Variants in BIVM observed in about 807,000 individuals in gnomAD.
BIVM encodes the protein basic, immunoglobulin-like variable motif containing.
A neutral mutation model predicts 61.4 loss-of-function variants in BIVM; 31 were observed. The observed-to-expected ratio is 0.51, with a 90% CI of 0.38 to 0.68. BIVM has a LOEUF of 0.68. Among genes scored for constraint, BIVM ranks in the 30% least tolerant of loss-of-function variants. The pLI, the probability that BIVM is intolerant of heterozygous loss-of-function variation, is 0.00. For synonymous variants in BIVM, 189 were observed against 210.7 expected, an observed-to-expected ratio of 0.90 and a Z score of 0.89; for missense variants, 526 against 596.0, an observed-to-expected ratio of 0.88 and a Z score of 1.22.
chr13:102,803,807 G>A (rs191875715), intron 1 of BIVM, among the ~76,000 whole-genome samples: 406 of 152,082 alleles, frequency 2.7e-3, no homozygotes, highest in African/African-American at 9.2e-3. Context: ...AAGGCATGAA[G>A]GTCACAGATG....
rs759349258 is a variant in BIVM, at chr13:102,831,687, A to G, written c.1024A>G (p.Lys342Glu). 1 of 1,614,122 alleles carries G rather than the reference A, an allele frequency of 6.2e-7. No homozygotes were observed. Among genetic ancestry groups the G allele is most frequent in the Admixed American group, 1.7e-5 (1 of 60,004 alleles). ...CGAAGCAACCCCTGTTAAAGCTAAT[A>G]AAGCATTCAGGTAAGCATTGACGTG... ...GFEATPVKAN[K>E]AFSRGPLSPQ... Residue 342 changes from lysine (K) to glutamate (E), a missense_variant, in exon 8 of 11, where the codon AAA (lysine) becomes GAA (glutamate). By Grantham distance (56) the Lys-to-Glu change is moderately conservative. Coordinates refer to ENST00000257336, the MANE Select transcript of BIVM (RefSeq NM_017693.4).
intron 7 of BIVM, among the ~76,000 whole-genome samples, chr13:102,828,431 G>A (rs1204813751): frequency 6.6e-6 from 1 of 152,080 alleles, no homozygotes. Flanking sequence ...GAGAAGACCC[G>A]TCTCTGGCCT....
At chr13:102,833,327 G>GTT (rs532303115) in intron 8 of BIVM, among the ~76,000 whole-genome samples, 33,586 of 79,678 alleles carry the variant, frequency 0.42, 10,341 homozygotes, top group Admixed American at 0.58. Flanking sequence ...GATAGGATGG[G>GTT]TTTTTTTTTT....
rs760373129 is a variant in BIVM at position 102,805,377 on chromosome 13, C to T, written c.-136C>T. ...AAGTTAGTGACACCTTGATTGGATC[C>T]GTTTTTCTGTCAGGTGATGAATCTT... On this transcript the variant is annotated 5_prime_UTR_variant, in exon 2 of 11. Transcript: ENST00000257336. 2 of 152,140 alleles carry T rather than the reference C, an allele frequency of 1.3e-5. No homozygotes were observed. Among genetic ancestry groups the T allele is most frequent in the Non-Finnish European group, 2.9e-5 (2 of 68,028 alleles). The allele number at this position is 152,140 out of a possible 1,614,324, so 9.4% of individuals were successfully genotyped here.
intron 9 of BIVM, 118 bp from the exon 10 acceptor site, chr13:102,838,525 G>T: frequency 1.3e-6 from 1 of 765,556 alleles, no homozygotes; most frequent in Admixed American, 3.3e-5. Flanking sequence ...TGAGATAAGA[G>T]AATTACTGCC....
At chr13:102,814,883 A>C (rs1477235004) in intron 3 of BIVM, among the ~76,000 whole-genome samples, 1 of 152,154 alleles carries the variant, frequency 6.6e-6, no homozygotes, top group Non-Finnish European at 1.5e-5. Context: ...GACTTTGTTA[A>C]AAATACAAAA....
chr13:102,799,714 C>T (rs1214313643), intron 1 of BIVM, among the ~76,000 whole-genome samples, 193 bp downstream of exon 1: 1 of 152,246 alleles, frequency 6.6e-6, no homozygotes, highest in African/African-American at 2.4e-5. Context: ...CTCCGAGCCC[C>T]GTGGCGTCCA....
intron 3 of BIVM, among the ~76,000 whole-genome samples, chr13:102,815,883 C>T (rs1486506505): frequency 6.6e-6 from 1 of 152,244 alleles, no homozygotes; most frequent in Non-Finnish European, 1.5e-5. Context: ...ATGTGTGCAT[C>T]ATTCTTCATT....
chr13:102,821,928 C>A, intron 6 of BIVM, 81 bp downstream of exon 6: 2 of 1,542,190 alleles, frequency 1.3e-6, no homozygotes, highest in Non-Finnish European at 8.9e-7. Flanking sequence ...TGATAGTAAA[C>A]CATGTATCCA....
chr13:102,838,082 GT>G (rs1359638409), intron 9 of BIVM, among the ~76,000 whole-genome samples: 2 of 152,000 alleles, frequency 1.3e-5, no homozygotes, highest in African/African-American at 4.8e-5. Flanking sequence ...CAATAAAAAG[GT>G]TTTCCTCAGT....
At position 102,839,851 on chromosome 13, in the gene BIVM, G is replaced by A. The variant is rs1206940412; in HGVS notation, c.1498G>A (p.Asp500Asn). The part of the protein sequence containing the change: ...NSGYQGYSDY[D>N]GND ...TGGTTACCAGGGTTACAGTGATTAC[G>A]ATGGGAATGATTGACTATGCTTGCT... The change falls in exon 11 of 11, where the codon GAT becomes AAT. Residue 500 changes from aspartate (D) to asparagine (N), a missense_variant. Transcript: ENST00000257336. 3 of 1,610,748 alleles carry A rather than the reference G, an allele frequency of 1.9e-6. No homozygotes were observed. Among genetic ancestry groups the A allele is most frequent in the South Asian group, 2.2e-5 (2 of 91,016 alleles).
At chr13:102,803,620 A>G (rs1411957089) in intron 1 of BIVM, among the ~76,000 whole-genome samples, 1 of 152,186 alleles carries the variant, frequency 6.6e-6, no homozygotes, top group Non-Finnish European at 1.5e-5. Context: ...AGATGAGGAT[A>G]TAAAAGGGGC....
intron 6 of BIVM, 101 bp downstream of exon 6, chr13:102,821,948 C>A: frequency 6.6e-7 from 1 of 1,523,274 alleles, no homozygotes. Flanking sequence ...AGCTGCTGGG[C>A]TTCAACCTCT....
chr13:102,813,615 T>C (rs527993973), intron 3 of BIVM, among the ~76,000 whole-genome samples: 1 of 152,350 alleles, frequency 6.6e-6, no homozygotes, highest in South Asian at 2.1e-4. Context: ...GTCATATTTT[T>C]CACTTTCCTT....
chr13:102,824,543 A>T (rs1282859871), intron 7 of BIVM, among the ~76,000 whole-genome samples: 1 of 152,198 alleles, frequency 6.6e-6, no homozygotes, highest in Non-Finnish European at 1.5e-5. Flanking sequence ...AAAAGGCTTG[A>T]TAGTAAATAT....
At position 102,840,573 on chromosome 13, in the gene BIVM, A is replaced by T. The variant is rs1400582939; in HGVS notation, c.*708A>T. ...GTGGTGGGCACCTGTAGTCCTAGCT[A>T]CTCGAGAGGCTGAGGCAGGAGAATG... is the stretch of plus-strand genomic sequence containing the variant. On this transcript the variant is annotated 3_prime_UTR_variant, in exon 11 of 11. Coordinates refer to ENST00000257336, the MANE Select transcript of BIVM (RefSeq NM_017693.4). The T allele has an allele frequency of 6.6e-6, 1 of 151,160 alleles. No homozygotes were observed. The highest frequency in any genetic ancestry group is 1.5e-5 in the Non-Finnish European group (1 of 68,024). The allele number at this position is 151,160 out of a possible 1,614,324, so 9.4% of individuals were successfully genotyped here. A position where few individuals can be genotyped will look rare whatever the true frequency, so the allele number is the denominator to read the frequency against.
chr13:102,807,756 A>G lies in BIVM; in HGVS notation c.478+11A>G. ...CGAAACACAAATCAGGTAAGGAGGG[A>G]GCCATGAAGTTCATATGTGAAAATA... On this transcript the variant is annotated intron_variant, in intron 3 of 10. Transcript: ENST00000257336. This position sits in a 1 kb window ranked among gnomAD's most constrained non-coding sequence, Gnocchi z 4.0. 1 of 1,593,130 alleles carries G rather than the reference A, an allele frequency of 6.3e-7. No individual in the cohort carries two copies. The highest frequency in any genetic ancestry group is 8.5e-7 in the Non-Finnish European group (1 of 1,170,294).
intron 7 of BIVM, among the ~76,000 whole-genome samples, chr13:102,823,068 A>G (rs1435422541): frequency 6.6e-6 from 1 of 152,166 alleles, no homozygotes; most frequent in Non-Finnish European, 1.5e-5. Context: ...TTGGCAGGGG[A>G]CGTCCGTAAG....
rs74585375 is a variant in BIVM at position 102,838,983 on chromosome 13, T to C, written c.1218+244T>C. On this transcript the variant is annotated intron_variant, in intron 10 of 10. Coordinates refer to ENST00000257336, the MANE Select transcript of BIVM (RefSeq NM_017693.4). ...AAGGGCCAAGTAGCTGGTAGTCTGC[T>C]TCACTCTTTTGGGGGCTATATATTG... 1.3e-3 allele frequency among the ~76,000 whole-genome samples: 197 copies of C among 152,352 alleles called. 2 individuals carry two copies. The East Asian group carries it at 0.017, about 13-fold the overall frequency.
Sources: gnomAD v4.1 joint callset for allele counts (sites outside exome capture counted in the v4.1 genomes callset) on GRCh38, gnomAD v4.1.1 for gene constraint, Gnocchi (gnomAD v3.1) non-coding constraint, MANE v1.5 for transcripts, NCBI Gene and HGNC (gene_info 2026-07-23, HGNC 2026-07-21) for gene names.